The following PRMT3 variants were observed in gnomAD, a reference collection of about 807,000 sequenced individuals.
PRMT3 encodes protein arginine N-methyltransferase 3.
PRMT3 carries 62 observed loss-of-function variants against 71.9 expected under a neutral mutation model. That is an observed-to-expected ratio of 0.86 (90% CI 0.70 to 1.07). The LOEUF is 1.07. Among genes scored for constraint, PRMT3 ranks in the 50% least tolerant of loss-of-function variants. The pLI is 0.00. For missense variants in PRMT3, 663 were observed against 643.0 expected, an observed-to-expected ratio of 1.03 and a Z score of -0.34; for synonymous variants, 213 against 220.4, an observed-to-expected ratio of 0.97 and a Z score of 0.30.
intron 13 of PRMT3, among the ~76,000 whole-genome samples, chr11:20,469,620 A>G (rs764796894): frequency 1.8e-4 from 27 of 152,200 alleles, no homozygotes; most frequent in Non-Finnish European, 3.5e-4. Flanking sequence ...GGATTTTGGA[A>G]TATTTCCATT....
At chr11:20,508,209 C>T (rs1329579329) in intron 15 of PRMT3, 95 bp from the exon 16 acceptor site, 1 of 482,416 alleles carries the variant, frequency 2.1e-6, no homozygotes, top group African/African-American at 2.2e-5. Flanking sequence ...AGTGGGAAAA[C>T]ATCACAATAA....
Position 20,392,151 on chromosome 11 carries a change from A to C in PRMT3, c.248-60A>C, listed in dbSNP as rs1848728457. 6.1e-6 allele frequency: 9 copies of C among 1,485,524 alleles called. No homozygotes were observed. The East Asian group carries it at 1.9e-4, about 31-fold the overall frequency. The allele number at this position is 1,485,524 out of a possible 1,614,324, so 92.0% of individuals were successfully genotyped here. On this transcript the variant is annotated intron_variant, in intron 3 of 15. Coordinates refer to ENST00000331079, the MANE Select transcript of PRMT3 (RefSeq NM_005788.4). ...TTAATCAGAGAAGGCTTTATAGAATAGGTCAGTTAAACAAAACTCATTATG... is the reference window on the plus strand; with the variant it reads ...TTAATCAGAGAAGGCTTTATAGAATCGGTCAGTTAAACAAAACTCATTATG...
intron 12 of PRMT3, 96 bp from the exon 13 acceptor site, chr11:20,464,364 A>G (rs945809678): frequency 1.4e-6 from 2 of 1,432,712 alleles, no homozygotes; most frequent in East Asian, 2.5e-5. Flanking sequence ...GCATAAAAGA[A>G]GTAATGTTTG....
At chr11:20,391,106 G>C (rs1848704310) in intron 3 of PRMT3, among the ~76,000 whole-genome samples, 1 of 150,822 alleles carries the variant, frequency 6.6e-6, no homozygotes, top group African/African-American at 2.5e-5. Flanking sequence ...ACTAAGAAGG[G>C]ACATTACTGA....
In PRMT3 at chr11:20,407,900, A is replaced by G. The variant is rs1016891323; in HGVS notation, c.772-11A>G. 6.3e-7 allele frequency: 1 copy of G among 1,599,008 alleles called. No individual in the cohort carries two copies. The highest frequency in any genetic ancestry group is 8.5e-7 in the Non-Finnish European group (1 of 1,172,294). ...ATCTGTTTTGTTTTGGTTTTTTCTT[A>G]ATTACCCTAGGTAGTTTTGGATGTT... On this transcript the variant is annotated splice_polypyrimidine_tract_variant and intron_variant, in intron 8 of 15. Coordinates refer to ENST00000331079, the MANE Select transcript of PRMT3 (RefSeq NM_005788.4).
chr11:20,482,122 G>A (rs763063292), intron 13 of PRMT3, among the ~76,000 whole-genome samples: 7 of 151,164 alleles, frequency 4.6e-5, no homozygotes, highest in Non-Finnish European at 1.0e-4. Context: ...TGTCCATAGA[G>A]TTAATAGAGA....
intron 15 of PRMT3, among the ~76,000 whole-genome samples, chr11:20,504,173 G>A (rs1453413595): frequency 6.6e-6 from 1 of 152,150 alleles, no homozygotes; most frequent in Non-Finnish European, 1.5e-5. Flanking sequence ...ATCTAATTGA[G>A]TTAAATTTAA....
intron 11 of PRMT3, among the ~76,000 whole-genome samples, chr11:20,461,018 A>G (rs1025813568): frequency 6.6e-6 from 1 of 152,162 alleles, no homozygotes; most frequent in Non-Finnish European, 1.5e-5. Context: ...AAATCTAGTC[A>G]TGTTGCTACC....
At chr11:20,408,831 T>C (rs1849129512) in intron 9 of PRMT3, among the ~76,000 whole-genome samples, 1 of 152,178 alleles carries the variant, frequency 6.6e-6, no homozygotes, top group Non-Finnish European at 1.5e-5. Context: ...TGGTGGCTCA[T>C]GTCTGTAATC....
chr11:20,490,585 A>T (rs1467617566), intron 13 of PRMT3, among the ~76,000 whole-genome samples: 1 of 152,046 alleles, frequency 6.6e-6, no homozygotes, highest in Non-Finnish European at 1.5e-5. Context: ...TAAGCTAATA[A>T]GAGCTTTTGT....
intron 10 of PRMT3, among the ~76,000 whole-genome samples, chr11:20,435,242 C>A (rs1849737149): frequency 6.6e-6 from 1 of 152,006 alleles, no homozygotes; most frequent in African/African-American, 2.4e-5. Flanking sequence ...TTTTCTGTCG[C>A]CCAGGCTGGA....
intron 13 of PRMT3, among the ~76,000 whole-genome samples, chr11:20,487,557 C>A (rs939264664): frequency 3.3e-5 from 5 of 152,118 alleles, no homozygotes; most frequent in African/African-American, 1.2e-4. Context: ...AGGGGGACTA[C>A]TAGGGTGCTG....
chr11:20,493,969 G>C lies in PRMT3; in HGVS notation c.1398G>C (p.Arg466Ser). 1 of 1,584,112 alleles carries C rather than the reference G, an allele frequency of 6.3e-7. No individual in the cohort carries two copies. Among genetic ancestry groups the C allele is most frequent in the Non-Finnish European group, 8.6e-7 (1 of 1,157,890 alleles). ...ATTTTGAGAAGAATTGCCACAACAG[G>C]GTAAGTATCATGAATTATCTCATAA... ...DIYFEKNCHN[R>S]VVFSTGPQST... Residue 466 changes from arginine (R) to serine (S), a missense_variant and splice_region_variant, in exon 14 of 16, where the codon AGG becomes AGC. Transcript: ENST00000331079.
intron 5 of PRMT3, 53 bp from the exon 6 acceptor site, chr11:20,395,750 C>A: frequency 6.6e-7 from 1 of 1,525,738 alleles, no homozygotes. Context: ...CATATTTATA[C>A]TTGTTTTATT....
intron 13 of PRMT3, among the ~76,000 whole-genome samples, chr11:20,486,055 T>C (rs891535838): frequency 3.9e-5 from 6 of 152,176 alleles, no homozygotes; most frequent in African/African-American, 1.4e-4. Flanking sequence ...CGATACAACA[T>C]GGTTAACCCT....
chr11:20,417,972 G>GT (rs1405452217), intron 9 of PRMT3, among the ~76,000 whole-genome samples: 1 of 152,080 alleles, frequency 6.6e-6, no homozygotes, highest in Non-Finnish European at 1.5e-5. Flanking sequence ...GACCATACCC[G>GT]TAAGTGCATG....
rs530704517 is a variant in PRMT3, at chr11:20,468,317, C to T, written c.1347+3771C>T. Among the ~76,000 whole-genome samples, 36 of 152,132 alleles carry T rather than the reference C, an allele frequency of 2.4e-4. 1 individual carries two copies. In the South Asian group the frequency reaches 7.5e-3, roughly 32 times the overall value. ...GGAGAATTTCTCTATTATAGTTAGCCCAGTTTAAATATATGTATGATATAT... is the reference window on the plus strand; with the variant it reads ...GGAGAATTTCTCTATTATAGTTAGCTCAGTTTAAATATATGTATGATATAT... On this transcript the variant is annotated intron_variant, in intron 13 of 15. Transcript: ENST00000331079.
intron 13 of PRMT3, among the ~76,000 whole-genome samples, chr11:20,483,774 G>A (rs766848508): frequency 1.2e-4 from 19 of 152,114 alleles, no homozygotes; most frequent in Non-Finnish European, 2.1e-4. Flanking sequence ...AAAGACACCC[G>A]TAGCCTTGTA....
At chr11:20,461,879 T>A in intron 11 of PRMT3, 101 bp from the exon 12 acceptor site, 1 of 1,046,868 alleles carries the variant, frequency 9.6e-7, no homozygotes, top group Middle Eastern at 2.3e-4. Flanking sequence ...TTGCTAGTAA[T>A]CCTTACTGAT....
Sources: gnomAD v4.1 joint callset for allele counts (sites outside exome capture counted in the v4.1 genomes callset) on GRCh38, gnomAD v4.1.1 for gene constraint, MANE v1.5 for transcripts, NCBI Gene and HGNC (gene_info 2026-07-23, HGNC 2026-07-21) for gene names.